Variants in TENM2 observed in about 807,000 individuals in gnomAD.
TENM2 encodes the protein teneurin transmembrane protein 2.
TENM2 carries 52 observed loss-of-function variants against 245.2 expected under a neutral mutation model. The ratio of observed to expected loss-of-function variants is 0.21; its 90% CI spans 0.17 to 0.27. TENM2 has a LOEUF of 0.27. Ranked by LOEUF, TENM2 falls within the 10% of genes least tolerant of loss-of-function variation. TENM2 has a pLI of 1.00. For missense variants in TENM2, 3,046 were observed against 3,666.8 expected (o/e 0.83, Z 4.37); for synonymous variants, 1,363 against 1,438.9 (o/e 0.95, Z 1.19).
In TENM2 at chr5:167,803,483, G is replaced by A. The variant is rs1434879383; in HGVS notation, c.503-72503G>A. ...CTAGTCTCCATTTTTCTTTATTTCC[G>A]GGAGTGGGTCTGCTTTCTGTGTTGA... On this transcript the variant is annotated intron_variant, in intron 2 of 28. Coordinates refer to ENST00000518659, the Ensembl canonical transcript of TENM2. Among the ~76,000 whole-genome samples the A allele has an allele frequency of 7.2e-5, 11 of 151,994 alleles. No individual in the cohort carries two copies. In the South Asian group the frequency reaches 1.0e-3, roughly 14 times the overall value.
chr5:167,742,832 G>A (rs1187482227), intron 2 of TENM2, among the ~76,000 whole-genome samples: 2 of 151,874 alleles, frequency 1.3e-5, no homozygotes, highest in Non-Finnish European at 2.9e-5. Flanking sequence ...GCTGGGCATG[G>A]TAGCATGTGC....
intron 2 of TENM2, among the ~76,000 whole-genome samples, chr5:167,776,312 A>G (rs1195027813): frequency 2.0e-5 from 3 of 151,834 alleles, no homozygotes; most frequent in Non-Finnish European, 4.4e-5. Context: ...ATATAGAAAA[A>G]TAGGCCAGGC....
intron 2 of TENM2, among the ~76,000 whole-genome samples, chr5:167,413,442 A>G (rs1439995080): frequency 6.6e-6 from 1 of 152,174 alleles, no homozygotes; most frequent in Non-Finnish European, 1.5e-5. Context: ...ATACTAATAT[A>G]AAAGATTACC....
intron 5 of TENM2, among the ~76,000 whole-genome samples, chr5:168,044,484 T>A (rs1788450140): frequency 6.6e-6 from 1 of 152,188 alleles, no homozygotes; most frequent in South Asian, 2.1e-4. Context: ...CACTGTTTTA[T>A]CCCATCTTCT....
At chr5:167,458,486 C>CAAAA (rs1466388818) in intron 2 of TENM2, among the ~76,000 whole-genome samples, 5 of 35,774 alleles carry the variant, frequency 1.4e-4, no homozygotes, top group South Asian at 1.1e-3. Flanking sequence ...GACTCCGTCT[C>CAAAA]AAAAAAACAA....
intron 1 of TENM2, among the ~76,000 whole-genome samples, chr5:167,364,786 CAT>C (rs1429155325): frequency 1.3e-5 from 2 of 151,394 alleles, no homozygotes; most frequent in East Asian, 1.9e-4. Context: ...TGCCTAATAA[CAT>C]AGTTTTACAG....
At chr5:168,228,670 A>C (rs935233690) in intron 25 of TENM2, among the ~76,000 whole-genome samples, 1 of 152,186 alleles carries the variant, frequency 6.6e-6, no homozygotes, top group Non-Finnish European at 1.5e-5. Context: ...GAAAAGACAG[A>C]GGTACATGCA....
At chr5:167,384,362 GATGGATATTCT>G (rs1373367490) in intron 2 of TENM2, among the ~76,000 whole-genome samples, 7 of 152,146 alleles carry the variant, frequency 4.6e-5, no homozygotes, top group African/African-American at 1.4e-4. Context: ...GAAATGAGAT[GATGGATATTCT>G]AAATGAAGAA....
rs559470484 is a variant in TENM2, at chr5:167,365,591, TA to T, written c.227-9600del. 3.4e-3 allele frequency among the ~76,000 whole-genome samples: 517 copies of T among 151,950 alleles called. 3 individuals are homozygous for T. The highest frequency in any genetic ancestry group is 6.1e-3 in the Non-Finnish European group (414 of 67,836). On this transcript the variant is annotated intron_variant, in intron 1 of 28. Coordinates refer to ENST00000518659, the Ensembl canonical transcript of TENM2. ...AATACTGTTAGAGATTTACACATAT[TA>T]AAAAAAGTCATAAATGTTTGTGAAA...
chr5:166,982,775 A>G, the TENM2 span, among the ~76,000 whole-genome samples: 6 of 150,360 alleles, frequency 4.0e-5, no homozygotes, highest in African/African-American at 1.5e-4. Flanking sequence ...TGCAAGACAT[A>G]TATATATGTT....
At chr5:167,225,095 T>C in the TENM2 span, among the ~76,000 whole-genome samples, 1 of 152,006 alleles carries the variant, frequency 6.6e-6, no homozygotes, top group African/African-American at 2.4e-5. Context: ...GTTCTAAGAG[T>C]ATTTGGTAGA....
chr5:167,544,863 G>T (rs1207290040), intron 2 of TENM2, among the ~76,000 whole-genome samples: 1 of 152,168 alleles, frequency 6.6e-6, no homozygotes, highest in Non-Finnish European at 1.5e-5. Context: ...TAATATGTGT[G>T]TAATTGGGGA....
At chr5:167,807,634 A>T (rs913307936) in intron 2 of TENM2, among the ~76,000 whole-genome samples, 4 of 147,680 alleles carry the variant, frequency 2.7e-5, no homozygotes, top group Admixed American at 1.3e-4. Context: ...TAAAAAAAAA[A>T]AAAAAGAGAC....
the TENM2 span, among the ~76,000 whole-genome samples, chr5:167,007,005 C>G: frequency 6.6e-6 from 1 of 152,158 alleles, no homozygotes; most frequent in Non-Finnish European, 1.5e-5. The surrounding 1 kb of genome is among the most constrained non-coding windows in gnomAD (Gnocchi z 4.2). Flanking sequence ...TTATAATATG[C>G]TCCTTTAAGT....
chr5:168,146,946 G>A (rs527764417), intron 12 of TENM2, among the ~76,000 whole-genome samples: 14 of 152,266 alleles, frequency 9.2e-5, no homozygotes, highest in Non-Finnish European at 1.5e-4. Flanking sequence ...TTCACCTGTC[G>A]GGAAAGTCAT....
intron 1 of TENM2, among the ~76,000 whole-genome samples, chr5:167,311,751 G>A (rs1334051371): frequency 6.6e-6 from 1 of 152,150 alleles, no homozygotes. Context: ...AGGTATAAAT[G>A]TTTGGGGCAT....
At chr5:167,390,736 G>T (rs1405859085) in intron 2 of TENM2, among the ~76,000 whole-genome samples, 1 of 152,216 alleles carries the variant, frequency 6.6e-6, no homozygotes, top group East Asian at 1.9e-4. Context: ...TGTACATTTA[G>T]AATGGAAAAG....
At chr5:167,945,501 C>T (rs1288539110) in intron 3 of TENM2, among the ~76,000 whole-genome samples, 2 of 152,174 alleles carry the variant, frequency 1.3e-5, no homozygotes, top group Non-Finnish European at 2.9e-5. Flanking sequence ...GCTTATCACA[C>T]AGTTGGTGCT....
At chr5:167,959,188 C>CTTTTTTTTTTT (rs71593155) in intron 4 of TENM2, among the ~76,000 whole-genome samples, 6 of 138,232 alleles carry the variant, frequency 4.3e-5, no homozygotes, top group Non-Finnish European at 9.4e-5. Context: ...CCTTTTCATT[C>CTTTTTTTTTTT]TTTTTTTTTT....
Sources: gnomAD v4.1 joint callset for allele counts (sites outside exome capture counted in the v4.1 genomes callset) on GRCh38, gnomAD v4.1.1 for gene constraint, Gnocchi (gnomAD v3.1) non-coding constraint, MANE v1.5 for transcripts, NCBI Gene and HGNC (gene_info 2026-07-23, HGNC 2026-07-21) for gene names.